Variants in PARVA observed in about 807,000 individuals in gnomAD.
The protein encoded by PARVA is parvin alpha.
PARVA carries 25 observed loss-of-function variants against 52.6 expected under a neutral mutation model. The observed-to-expected ratio is 0.48, with a 90% confidence interval of 0.35 to 0.66. The LOEUF is 0.66. Ranked by LOEUF, PARVA falls within the 30% of genes least tolerant of loss-of-function variation. PARVA has a pLI of 0.01. For missense variants in PARVA, 373 were observed against 450.9 expected (o/e 0.83, Z 1.56); for synonymous variants, 185 against 179.1 (o/e 1.03, Z -0.26).
chr11:12,401,672 C>T (rs551703625), intron 1 of PARVA, among the ~76,000 whole-genome samples: 3 of 152,314 alleles, frequency 2.0e-5, no homozygotes, highest in Non-Finnish European at 4.4e-5. Flanking sequence ...AATGCATTCA[C>T]GTCCCCCAAC....
intron 5 of PARVA, among the ~76,000 whole-genome samples, chr11:12,501,087 G>A (rs1233510745): frequency 2.7e-5 from 4 of 148,696 alleles, no homozygotes; most frequent in East Asian, 4.0e-4. Flanking sequence ...CAACCTGGGC[G>A]ACGAGCAAAA....
intron 5 of PARVA, among the ~76,000 whole-genome samples, chr11:12,502,583 TAA>T (rs112035768): frequency 1.4e-5 from 2 of 142,448 alleles, no homozygotes; most frequent in African/African-American, 2.6e-5. Flanking sequence ...TAAGGTATAA[TAA>T]AAAAAAAAAA....
chr11:12,432,475 G>A (rs1940328074), intron 1 of PARVA, among the ~76,000 whole-genome samples: 1 of 152,226 alleles, frequency 6.6e-6, no homozygotes, highest in South Asian at 2.1e-4. Context: ...TTATGATCAT[G>A]GGATATGATG....
At chr11:12,463,782 GTTAA>G (rs1008924897) in intron 1 of PARVA, among the ~76,000 whole-genome samples, 3 of 152,026 alleles carry the variant, frequency 2.0e-5, no homozygotes, top group African/African-American at 7.2e-5. Flanking sequence ...TCTTCCATGT[GTTAA>G]TTTATTCAAT....
intron 1 of PARVA, among the ~76,000 whole-genome samples, chr11:12,440,335 G>A (rs1160663406): frequency 6.6e-6 from 1 of 152,172 alleles, no homozygotes; most frequent in Non-Finnish European, 1.5e-5. Context: ...GATCAAAAGA[G>A]AAGCTAAGGG....
At chr11:12,496,417 C>T (rs1156774888) in intron 4 of PARVA, 41 bp from the exon 5 acceptor site, 8 of 1,584,864 alleles carry the variant, frequency 5.0e-6, no homozygotes, top group Non-Finnish European at 6.9e-6. Flanking sequence ...TTGTCTGGGG[C>T]CCAGCATAAC....
chr11:12,526,698 G>A (rs1941705621), intron 12 of PARVA, among the ~76,000 whole-genome samples: 3 of 152,162 alleles, frequency 2.0e-5, no homozygotes, highest in Admixed American at 6.5e-5. Flanking sequence ...TCAAGGTTTT[G>A]CCTTGTTTTT....
At chr11:12,502,826 C>T (rs1941380315) in intron 5 of PARVA, among the ~76,000 whole-genome samples, 1 of 150,928 alleles carries the variant, frequency 6.6e-6, no homozygotes, top group African/African-American at 2.4e-5. Flanking sequence ...TTAATGAAGG[C>T]TTTTGGGGAA....
chr11:12,470,139 T>C (rs1266912016), intron 1 of PARVA, among the ~76,000 whole-genome samples: 3 of 152,252 alleles, frequency 2.0e-5, no homozygotes, highest in African/African-American at 7.2e-5. Flanking sequence ...TATTTTGTTT[T>C]TCTGGGAAAA....
intron 4 of PARVA, among the ~76,000 whole-genome samples, chr11:12,493,355 C>CAAA (rs11286221): frequency 7.7e-6 from 1 of 130,570 alleles, no homozygotes; most frequent in Non-Finnish European, 1.6e-5. Flanking sequence ...GACTCCATCT[C>CAAA]AAAAAAAAAA....
At chr11:12,506,049 G>T (rs1589984100) in intron 6 of PARVA, among the ~76,000 whole-genome samples, 2 of 152,170 alleles carry the variant, frequency 1.3e-5, no homozygotes, top group Non-Finnish European at 2.9e-5. Context: ...TATCATTCTG[G>T]TGTAGGATAT....
intron 1 of PARVA, chr11:12,398,472 T>A (rs1303009300): frequency 7.4e-5 from 11 of 148,886 alleles, no homozygotes; most frequent in Non-Finnish European, 3.0e-5. Flanking sequence ...AGGACAGGGG[T>A]CCCTAGAGGC....
chr11:12,498,294 C>T lies in PARVA; in HGVS notation c.541+1696C>T, dbSNP rs539211018. Among the ~76,000 whole-genome samples the T allele has an allele frequency of 5.3e-5, 8 of 152,198 alleles. No individual in the cohort carries two copies. In the South Asian group the frequency reaches 1.7e-3, roughly 32 times the overall value. The stretch of plus-strand genomic sequence containing the variant: ...CAGGCAGTCCACCCGCCTCGGCCTC[C>T]CAAAGTGCTAGAATTACAGGCACAA... On this transcript the variant is annotated intron_variant, in intron 5 of 12. Coordinates refer to ENST00000334956, the MANE Select transcript of PARVA (RefSeq NM_018222.5).
At chr11:12,522,108 C>T (rs993862040) in intron 12 of PARVA, among the ~76,000 whole-genome samples, 25 of 152,312 alleles carry the variant, frequency 1.6e-4, no homozygotes, top group African/African-American at 5.5e-4. Context: ...CAATTCCATT[C>T]ATAGGTACGT....
chr11:12,467,388 A>G (rs1285556476), intron 1 of PARVA, among the ~76,000 whole-genome samples: 2 of 152,116 alleles, frequency 1.3e-5, no homozygotes, highest in Admixed American at 1.3e-4. Flanking sequence ...GTGTTATTGT[A>G]CTAAGATTTC....
At chr11:12,478,864 C>G (rs1391842949) in intron 4 of PARVA, 1 of 152,272 alleles carries the variant, frequency 6.6e-6, no homozygotes, top group Admixed American at 6.5e-5. Context: ...TTTAAAATCA[C>G]AAGTCCAGTC....
chr11:12,379,391 T>G (rs1252890582), intron 1 of PARVA, among the ~76,000 whole-genome samples: 1 of 152,220 alleles, frequency 6.6e-6, no homozygotes, highest in Non-Finnish European at 1.5e-5. Flanking sequence ...ACAAAATCAC[T>G]GTACTTGGGA....
chr11:12,477,604 A>G (rs994945256), intron 3 of PARVA, among the ~76,000 whole-genome samples: 1 of 152,186 alleles, frequency 6.6e-6, no homozygotes, highest in South Asian at 2.1e-4. Flanking sequence ...AGTTCAAAGC[A>G]GGGCACAATG....
At chr11:12,431,082 T>C (rs1940308722) in intron 1 of PARVA, among the ~76,000 whole-genome samples, 1 of 152,230 alleles carries the variant, frequency 6.6e-6, no homozygotes, top group Non-Finnish European at 1.5e-5. Flanking sequence ...GGGAATAACC[T>C]GTCTGCCCCT....
Sources: allele counts gnomAD v4.1 joint callset (sites outside exome capture counted in the v4.1 genomes callset), GRCh38; gene constraint gnomAD v4.1.1; transcripts MANE v1.5; gene names NCBI Gene and HGNC (gene_info 2026-07-23, HGNC 2026-07-21).